Variants in KIAA1328 observed in about 807,000 individuals in gnomAD.
The protein encoded by KIAA1328 is KIAA1328, also known as protein hinderin.
In KIAA1328, 52 loss-of-function variants were observed where a neutral mutation model predicts 68.1. The observed-to-expected ratio is 0.76, with a 90% CI of 0.61 to 0.96. The LOEUF is 0.96. Ranked by LOEUF, KIAA1328 falls within the 40% of genes least tolerant of loss-of-function variation. The pLI, the probability that KIAA1328 is intolerant of heterozygous loss-of-function variation, is 0.00. For synonymous variants in KIAA1328, 232 were observed against 239.4 expected, an observed-to-expected ratio of 0.97 and a Z score of 0.28; for missense variants, 641 against 677.6, an observed-to-expected ratio of 0.95 and a Z score of 0.60.
intron 1 of KIAA1328, among the ~76,000 whole-genome samples, chr18:36,831,363 T>C (rs1412801012): frequency 6.6e-6 from 1 of 152,176 alleles, no homozygotes; most frequent in African/African-American, 2.4e-5. Context: ...GATTCAGCAG[T>C]GCTGTTTTGC....
At chr18:37,077,693 CAGAG>C (rs1423492878) in intron 7 of KIAA1328, among the ~76,000 whole-genome samples, 1 of 133,766 alleles carries the variant, frequency 7.5e-6, no homozygotes, top group Non-Finnish European at 1.6e-5. Context: ...CAGTAACAGA[CAGAG>C]AGCCAAATCA....
intron 5 of KIAA1328, among the ~76,000 whole-genome samples, chr18:36,924,483 A>T (rs1457039277): frequency 1.3e-5 from 2 of 152,200 alleles, no homozygotes; most frequent in African/African-American, 4.8e-5. Context: ...GCATATAGAG[A>T]CAAGATAGGA....
chr18:37,092,259 C>T (rs952735407), intron 7 of KIAA1328, among the ~76,000 whole-genome samples: 3 of 152,142 alleles, frequency 2.0e-5, no homozygotes, highest in Admixed American at 2.0e-4. Flanking sequence ...AGAGGTCCAC[C>T]CTACCTGCTG....
chr18:37,066,922 A>C lies in KIAA1328; in HGVS notation c.609A>C (p.Ser203=). 1 of 1,607,256 alleles carries C rather than the reference A, an allele frequency of 6.2e-7. No individual in the cohort carries two copies. The highest frequency in any genetic ancestry group is 8.5e-7 in the Non-Finnish European group (1 of 1,176,526). Residue 203 remains serine, a synonymous_variant, in exon 7 of 10, where the codon TCA becomes TCC. Coordinates refer to ENST00000280020, the MANE Select transcript of KIAA1328 (RefSeq NM_020776.3). ...GTAGAAAAAGCACTCTCCAGTGTTC[A>C]TCTGTGGAACTGGATGGTTCCTACT... is the stretch of plus-strand genomic sequence containing the variant. ...VSSRKSTLQC[S]SVELDGSYLS... is the part of the protein sequence containing the mutation.
intron 6 of KIAA1328, among the ~76,000 whole-genome samples, chr18:37,003,963 G>A (rs531493130): frequency 6.6e-6 from 1 of 152,148 alleles, no homozygotes; most frequent in East Asian, 1.9e-4. Context: ...TTTTATACCA[G>A]TAGCATGCTC....
chr18:36,831,045 T>A (rs572069716), intron 1 of KIAA1328, among the ~76,000 whole-genome samples: 32 of 152,294 alleles, frequency 2.1e-4, no homozygotes, highest in African/African-American at 5.5e-4. Flanking sequence ...TATTAATCAT[T>A]TGATTTAGTT....
Position 37,222,489 on chromosome 18 carries a change from G to T in KIAA1328, c.*262G>T. On this transcript the variant is annotated 3_prime_UTR_variant, in exon 10 of 10. Transcript: ENST00000280020. ...TAAACAGATTAGAAAATTAACATAGGATACTTTCTGCGTGGTGGAAACCAT... is the reference window on the plus strand; with the variant it reads ...TAAACAGATTAGAAAATTAACATAGTATACTTTCTGCGTGGTGGAAACCAT... The T allele has an allele frequency of 7.9e-7, 1 of 1,269,064 alleles. No homozygotes were observed. Among genetic ancestry groups the T allele is most frequent in the Non-Finnish European group, 1.0e-6 (1 of 1,001,822 alleles). The allele number at this position is 1,269,064 out of a possible 1,614,324, so 78.6% of individuals were successfully genotyped here.
chr18:37,170,563 C>A (rs777631363), intron 8 of KIAA1328, among the ~76,000 whole-genome samples: 5 of 152,192 alleles, frequency 3.3e-5, no homozygotes, highest in Non-Finnish European at 7.3e-5. Context: ...TCTCCCATTT[C>A]ATGCTCGTCA....
At chr18:37,192,145 TTG>T (rs10667132) in intron 9 of KIAA1328, among the ~76,000 whole-genome samples, 5,841 of 144,680 alleles carry the variant, frequency 0.04, 139 homozygotes, top group South Asian at 0.059. Context: ...AGTCAAGAAA[TTG>T]TGTGTGTGTG....
rs780950566 is a variant in KIAA1328, at chr18:37,222,083, C to A, written c.1590C>A (p.Arg530=). Residue 530 remains arginine, a synonymous_variant, in exon 10 of 10, where the codon CGC becomes CGA. Coordinates refer to ENST00000280020, the MANE Select transcript of KIAA1328 (RefSeq NM_020776.3). ...CAAACTCTGCGCCCAAACCTCAGCG[C>A]TATCCCTCCAGAGAAGCTGGGGCCT... The part of the protein sequence containing the change: ...LSPNSAPKPQ[R]YPSREAGAWN... The A allele has an allele frequency of 5.0e-6, 8 of 1,613,616 alleles. No individual in the cohort carries two copies. The Admixed American group carries it at 5.0e-5, about 10-fold the overall frequency.
At chr18:37,097,573 G>A (rs323316) in intron 7 of KIAA1328, among the ~76,000 whole-genome samples, 40,700 of 151,968 alleles carry the variant, frequency 0.27, 8,603 homozygotes, top group African/African-American at 0.59. Flanking sequence ...TTTTGGTTCC[G>A]TATGAACTTT....
At chr18:37,031,863 A>T (rs1202186434) in intron 6 of KIAA1328, among the ~76,000 whole-genome samples, 1 of 152,140 alleles carries the variant, frequency 6.6e-6, no homozygotes, top group Non-Finnish European at 1.5e-5. Flanking sequence ...TTGCAATATG[A>T]ACCCTTAGAA....
Position 36,952,054 on chromosome 18 carries a change from C to T in KIAA1328, c.449-7254C>T, listed in dbSNP as rs1003181273. On this transcript the variant is annotated intron_variant, in intron 5 of 9. Transcript: ENST00000280020. ...TCTAGCCCCTGTTGATCTCTGTAGC[C>T]TCTTCACTCATTCTGTCCCACTCAG... 7.9e-5 allele frequency among the ~76,000 whole-genome samples: 12 copies of T among 152,248 alleles called. 1 individual carries two copies. Among genetic ancestry groups the T allele is most frequent in the South Asian group, 6.2e-4 (3 of 4,826 alleles).
At chr18:37,186,729 A>G (rs2059809819) in intron 9 of KIAA1328, among the ~76,000 whole-genome samples, 1 of 152,154 alleles carries the variant, frequency 6.6e-6, no homozygotes, top group Non-Finnish European at 1.5e-5. Flanking sequence ...CGAAAGAAAG[A>G]ATGACTTACC....
chr18:36,845,344 G>A (rs55889065), intron 4 of KIAA1328, among the ~76,000 whole-genome samples: 19,470 of 151,642 alleles, frequency 0.13, 1,555 homozygotes, highest in Admixed American at 0.17. Flanking sequence ...GTATTTGAAG[G>A]TGATGTTCTT....
At position 37,222,291 on chromosome 18, in the gene KIAA1328, T is replaced by C; in HGVS notation, c.*64T>C. On this transcript the variant is annotated 3_prime_UTR_variant, in exon 10 of 10. Transcript: ENST00000280020. ...TCACATACTGATCTAGGATTTTAAA[T>C]TATTTCATTGCAAAGTAATTGTGTC... The C allele has an allele frequency of 6.5e-7, 1 of 1,538,784 alleles. No homozygotes were observed. The highest frequency in any genetic ancestry group is 8.8e-7 in the Non-Finnish European group (1 of 1,141,538).
intron 5 of KIAA1328, among the ~76,000 whole-genome samples, chr18:36,895,375 C>G (rs534718431): frequency 6.6e-6 from 1 of 152,148 alleles, no homozygotes; most frequent in South Asian, 2.1e-4. Context: ...GTGAAGGCCA[C>G]GAGGAAAAGG....
chr18:36,914,781 C>G (rs1236090479), intron 5 of KIAA1328, among the ~76,000 whole-genome samples: 3 of 151,980 alleles, frequency 2.0e-5, no homozygotes, highest in Non-Finnish European at 4.4e-5. Context: ...ATACAAATAT[C>G]TATCACAAGG....
At chr18:36,946,900 A>C (rs1203139137) in intron 5 of KIAA1328, among the ~76,000 whole-genome samples, 1 of 152,230 alleles carries the variant, frequency 6.6e-6, no homozygotes, top group East Asian at 1.9e-4. Context: ...GACAAGCATA[A>C]AAATGATAGC....
Sources: gnomAD v4.1 joint callset for allele counts (sites outside exome capture counted in the v4.1 genomes callset) on GRCh38, gnomAD v4.1.1 for gene constraint, MANE v1.5 for transcripts, NCBI Gene and HGNC (gene_info 2026-07-23, HGNC 2026-07-21) for gene names.